PIEZO2: variants seen among roughly 807,000 people sequenced by gnomAD.
PIEZO2 encodes the protein piezo-type mechanosensitive ion channel component 2.
A neutral mutation model predicts 337.3 loss-of-function variants in PIEZO2; 172 were observed. The ratio of observed to expected loss-of-function variants is 0.51; its 90% CI spans 0.45 to 0.58. The LOEUF (loss-of-function observed/expected upper bound fraction) is 0.58, where lower values mean the gene tolerates loss of function less well. Among genes scored for constraint, PIEZO2 ranks in the 20% least tolerant of loss-of-function variants. The probability of loss-of-function intolerance (pLI) is 0.00; values close to 1 mark genes in which losing one functional copy is unlikely to be tolerated. For missense variants in PIEZO2, 3,028 were observed against 3,391.3 expected (o/e 0.89, Z 2.66); for synonymous variants, 1,251 against 1,228.5 (o/e 1.02, Z -0.38).
intron 14 of PIEZO2, among the ~76,000 whole-genome samples, chr18:10,790,394 A>T (rs915308701): frequency 6.6e-6 from 1 of 152,206 alleles, no homozygotes; most frequent in Admixed American, 6.5e-5. Context: ...ACCTCACAAT[A>T]GTCTTCAATC....
intron 35 of PIEZO2, among the ~76,000 whole-genome samples, chr18:10,733,450 T>A (rs1386061722): frequency 7.5e-5 from 6 of 79,776 alleles, no homozygotes; most frequent in Non-Finnish European, 1.2e-4. Flanking sequence ...ACTTCCCAAT[T>A]TTTTTTTTTT....
At chr18:10,706,474 C>T (rs1427123537) in intron 40 of PIEZO2, among the ~76,000 whole-genome samples, 2 of 152,188 alleles carry the variant, frequency 1.3e-5, no homozygotes, top group Non-Finnish European at 2.9e-5. Context: ...CTTGGCCCTT[C>T]TCCCTTCCAG....
At chr18:10,731,218 T>C (rs2036771460) in intron 36 of PIEZO2, among the ~76,000 whole-genome samples, 189 bp downstream of exon 36, 2 of 142,392 alleles carry the variant, frequency 1.4e-5, no homozygotes, top group Admixed American at 1.5e-4. Flanking sequence ...TATATATATA[T>C]CTCCTAACTT....
intron 4 of PIEZO2, among the ~76,000 whole-genome samples, chr18:10,900,389 C>T (rs560994678): frequency 1.5e-4 from 23 of 152,262 alleles, no homozygotes; most frequent in African/African-American, 5.3e-4. Context: ...AGCTTCTTTC[C>T]TAAGAGCTAA....
chr18:10,885,903 T>TA, intron 4 of PIEZO2, among the ~76,000 whole-genome samples: 1 of 152,164 alleles, frequency 6.6e-6, no homozygotes. Flanking sequence ...GGGCGTGGAT[T>TA]AAAAATGAGC....
chr18:10,926,448 C>T (rs2031745599), intron 3 of PIEZO2, among the ~76,000 whole-genome samples: 2 of 152,128 alleles, frequency 1.3e-5, no homozygotes, highest in South Asian at 4.1e-4. Flanking sequence ...TGGACGGGCT[C>T]AGTTCAATCA....
In PIEZO2 at chr18:11,024,524, C is replaced by T. The variant is rs2036455219; in HGVS notation, c.160+41603G>A. ...TCGCGCCACTGCACTCCAGCCTGGG[C>T]GACAGAGCGAGACTCTGTCTCAGAA... On this transcript the variant is annotated intron_variant, in intron 2 of 55. Transcript: ENST00000674853. 9.1e-5 allele frequency among the ~76,000 whole-genome samples: 11 copies of T among 121,156 alleles called. No homozygotes were observed. In the South Asian group the frequency reaches 2.9e-3, roughly 32 times the overall value. The allele number at this position is 121,156 out of a possible 152,430, so 79.5% of individuals were successfully genotyped here.
chr18:10,907,632 T>C (rs2030076768), intron 4 of PIEZO2, among the ~76,000 whole-genome samples: 1 of 152,018 alleles, frequency 6.6e-6, no homozygotes, highest in Admixed American at 6.6e-5. Flanking sequence ...TTTGGGCCAT[T>C]TTAGCTCCAA....
rs1033885227 is a variant in PIEZO2, at chr18:11,021,375, C to T, written c.161-41715G>A. On this transcript the variant is annotated intron_variant, in intron 2 of 55. Coordinates refer to ENST00000674853, the MANE Select transcript of PIEZO2 (RefSeq NM_001378183.1). The surrounding 1 kb of genome is among the most constrained non-coding windows in gnomAD (Gnocchi z 4.7). The stretch of plus-strand genomic sequence containing the variant: ...AGAAAACATTTTCTTTTTCCTTCTA[C>T]AAAAGCATCCCACTCTTGTATTCCA... Among the ~76,000 whole-genome samples, 9 of 152,186 alleles carry T rather than the reference C, an allele frequency of 5.9e-5. No homozygotes were observed. Among genetic ancestry groups the T allele is most frequent in the African/African-American group, 1.9e-4 (8 of 41,450 alleles).
intron 3 of PIEZO2, among the ~76,000 whole-genome samples, chr18:10,937,041 C>A (rs535384102): frequency 6.6e-6 from 1 of 152,230 alleles, no homozygotes; most frequent in South Asian, 2.1e-4. Context: ...AATGACGACT[C>A]CTACAACAGA....
chr18:10,860,796 G>C (rs2041851704), intron 5 of PIEZO2, among the ~76,000 whole-genome samples: 1 of 152,174 alleles, frequency 6.6e-6, no homozygotes, highest in Admixed American at 6.5e-5. Flanking sequence ...AGAAATCTCT[G>C]ATCAAGATGT....
At position 10,705,778 on chromosome 18, in the gene PIEZO2, T is replaced by A. The variant is rs763963451; in HGVS notation, c.5589-32A>T. ...GGAGAAAGCGTGGGCACAGAGCCCATGTCTTAGCATCCACACTCCTGGGGT... is the reference window on the plus strand; with the variant it reads ...GGAGAAAGCGTGGGCACAGAGCCCAAGTCTTAGCATCCACACTCCTGGGGT... On this transcript the variant is annotated intron_variant, in intron 40 of 55. Transcript: ENST00000674853. 6 of 1,482,154 alleles carry A rather than the reference T, an allele frequency of 4.0e-6. No individual in the cohort carries two copies. In the South Asian group the frequency reaches 7.9e-5, roughly 20 times the overall value. The allele number at this position is 1,482,154 out of a possible 1,614,324, so 91.8% of individuals were successfully genotyped here.
intron 1 of PIEZO2, among the ~76,000 whole-genome samples, chr18:11,082,753 G>A (rs138235572): frequency 4.4e-4 from 67 of 152,204 alleles, no homozygotes; most frequent in African/African-American, 1.0e-3. Context: ...CATCTGGAAC[G>A]TGTTAATTTT....
rs544967507 is a variant in PIEZO2, at chr18:10,748,149, G to T, written c.4424+322C>A. Among the ~76,000 whole-genome samples the T allele has an allele frequency of 2.6e-5, 4 of 152,136 alleles. No individual in the cohort carries two copies. Among genetic ancestry groups the T allele is most frequent in the Non-Finnish European group, 5.9e-5 (4 of 68,020 alleles). ...GATGGACTAAACTCCAGACCAACGT[G>T]GCATATGTTGCTGTTTTGTCTGAGA... On this transcript the variant is annotated intron_variant, in intron 30 of 55. Transcript: ENST00000674853. The surrounding 1 kb of genome is among the most constrained non-coding windows in gnomAD (Gnocchi z 5.1).
In PIEZO2 at chr18:11,032,162, G is replaced by A. The variant is rs2036766132; in HGVS notation, c.160+33965C>T. Among the ~76,000 whole-genome samples, 1 of 152,160 alleles carries A rather than the reference G, an allele frequency of 6.6e-6. No individual in the cohort carries two copies. The highest frequency in any genetic ancestry group is 2.4e-5 in the African/African-American group (1 of 41,446). On this transcript the variant is annotated intron_variant, in intron 2 of 55. Transcript: ENST00000674853. The surrounding 1 kb of genome is among the most constrained non-coding windows in gnomAD (Gnocchi z 4.9). ...ACTATGAAGTGAAATTCTGCTGAAT[G>A]GCAAAAATGCAAAACCCAAATGAAC... is the stretch of plus-strand genomic sequence containing the variant.
At chr18:10,934,274 G>C (rs2032252196) in intron 3 of PIEZO2, among the ~76,000 whole-genome samples, 1 of 152,152 alleles carries the variant, frequency 6.6e-6, no homozygotes, top group African/African-American at 2.4e-5. Context: ...CAGTACATGG[G>C]TGACGAAGGG....
intron 1 of PIEZO2, among the ~76,000 whole-genome samples, chr18:11,137,553 G>A (rs930773379): frequency 7.2e-5 from 11 of 152,152 alleles, no homozygotes; most frequent in Non-Finnish European, 1.5e-4. Flanking sequence ...AGATTTGTTC[G>A]TTAGACCTTC....
rs975081177 is a variant in PIEZO2 at position 11,092,972 on chromosome 18, T to G, written c.65-26750A>C. On this transcript the variant is annotated intron_variant, in intron 1 of 55. Coordinates refer to ENST00000674853, the MANE Select transcript of PIEZO2 (RefSeq NM_001378183.1). This position sits in a 1 kb window ranked among gnomAD's most constrained non-coding sequence, Gnocchi z 4.5. ...AACCATTCTCACTTACCCCAAAGCC[T>G]AACGAGCCCAAGAGCTTATAATATC... Among the ~76,000 whole-genome samples the G allele has an allele frequency of 6.6e-6, 1 of 152,166 alleles. No individual in the cohort carries two copies. Among genetic ancestry groups the G allele is most frequent in the African/African-American group, 2.4e-5 (1 of 41,424 alleles).
Position 10,967,022 on chromosome 18 carries a change from T to G in PIEZO2, c.286+12513A>C, listed in dbSNP as rs1418945969. ...ACCACATTTTCTCTGTTTTTTGTTT[T>G]TTTTTTTTTTTTTGAGATGGAGTTT... On this transcript the variant is annotated intron_variant, in intron 3 of 55. Coordinates refer to ENST00000674853, the MANE Select transcript of PIEZO2 (RefSeq NM_001378183.1). Among the ~76,000 whole-genome samples the G allele has an allele frequency of 2.7e-5, 4 of 146,808 alleles. 1 individual carries two copies. The highest frequency in any genetic ancestry group is 3.0e-5 in the Non-Finnish European group (2 of 66,356).
Sources: gnomAD v4.1 joint callset for allele counts (sites outside exome capture counted in the v4.1 genomes callset) on GRCh38, gnomAD v4.1.1 for gene constraint, Gnocchi (gnomAD v3.1) non-coding constraint, MANE v1.5 for transcripts, NCBI Gene and HGNC (gene_info 2026-07-23, HGNC 2026-07-21) for gene names.